The following CYTH2 variants were observed in gnomAD, a reference collection of about 807,000 sequenced individuals.
The protein encoded by CYTH2 is cytohesin 2.
A neutral mutation model predicts 55.4 loss-of-function variants in CYTH2; 24 were observed. The ratio of observed to expected loss-of-function variants is 0.43; its 90% CI spans 0.31 to 0.61. The LOEUF (loss-of-function observed/expected upper bound fraction) is 0.61, where lower values mean the gene tolerates loss of function less well. CYTH2 is among the 20% of genes least tolerant of loss of function. CYTH2 has a pLI of 0.08. For synonymous variants in CYTH2, 221 were observed against 209.6 expected (o/e 1.05, Z -0.47); for missense variants, 378 against 533.5 (o/e 0.71, Z 2.87).
rs1972002503 is a variant in CYTH2 at position 48,479,183 on chromosome 19, A to G, written c.1173A>G (p.Ser391=). 1.2e-6 allele frequency: 2 copies of G among 1,614,036 alleles called. No homozygotes were observed. The highest frequency in any genetic ancestry group is 1.7e-6 in the Non-Finnish European group (2 of 1,179,962). Residue 391 remains serine, a synonymous_variant, in exon 12 of 12, where the codon TCA becomes TCG. Transcript: ENST00000452733. The stretch of plus-strand genomic sequence containing the variant: ...TGGCAGCGAGAAAGAAGCGGATTTC[A>G]GTCAAGAAGAAGCAGGAGCAGCCCT... ...EMLAARKKRI[S]VKKKQEQP is the part of the protein sequence containing the mutation.
At chr19:48,476,299 G>C (rs1971911082) in intron 8 of CYTH2, 1 of 203,240 alleles carries the variant, frequency 4.9e-6, no homozygotes, top group Admixed American at 6.0e-5. Flanking sequence ...AATTAGCCAG[G>C]CATGGTGATG....
chr19:48,470,529 G>A (rs369334200), intron 2 of CYTH2, 29 bp downstream of exon 2: 1 of 1,613,870 alleles, frequency 6.2e-7, no homozygotes. Context: ...GACCTAGGGG[G>A]CGTGGGGTTG....
Position 48,481,928 on chromosome 19 carries a change from C to G in CYTH2, c.*2718C>G, listed in dbSNP as rs1262838813. ...TTGGGATGTGGGGCCTCATAAGGAG[C>G]TGTGTGGTCTTGGAGGTGGAGTCCT... On this transcript the variant is annotated 3_prime_UTR_variant, in exon 12 of 12. Transcript: ENST00000452733. The G allele has an allele frequency of 2.6e-5, 4 of 152,180 alleles. No individual in the cohort carries two copies. Among genetic ancestry groups the G allele is most frequent in the African/African-American group, 9.7e-5 (4 of 41,310 alleles). The allele number at this position is 152,180 out of a possible 1,614,324, so 9.4% of individuals were successfully genotyped here.
At chr19:48,473,738 C>A in intron 5 of CYTH2, 167 bp from the exon 6 acceptor site, 1 of 622,816 alleles carries the variant, frequency 1.6e-6, no homozygotes, top group South Asian at 2.0e-5. Context: ...ACAACACTCC[C>A]GTGGCCAATG....
In CYTH2 at chr19:48,479,811, C is replaced by T. The variant is rs117703539; in HGVS notation, c.*601C>T. 1.8e-3 allele frequency: 274 copies of T among 155,112 alleles called. 7 individuals are homozygous for T. The East Asian group carries it at 0.049, about 28-fold the overall frequency. 9.6% of individuals were successfully genotyped at this position (155,112 alleles called of 1,614,324 possible). A position where few individuals can be genotyped will look rare whatever the true frequency, so the allele number is the denominator to read the frequency against. On this transcript the variant is annotated 3_prime_UTR_variant, in exon 12 of 12. Transcript: ENST00000452733. ...GACAACCTGGAGCTGGAAGAACATGCGACCACCTCAGGGAGGGTCAGGGAA... is the reference window on the plus strand; with the variant it reads ...GACAACCTGGAGCTGGAAGAACATGTGACCACCTCAGGGAGGGTCAGGGAA...
At chr19:48,470,562 C>G (rs771203722) in intron 2 of CYTH2, 41 bp from the exon 3 acceptor site, 1 of 1,614,094 alleles carries the variant, frequency 6.2e-7, no homozygotes, top group Non-Finnish European at 8.5e-7. Flanking sequence ...GATGCCCAGG[C>G]ATTGACCCTC....
Position 48,481,585 on chromosome 19 carries a change from T to C in CYTH2, c.*2375T>C, listed in dbSNP as rs1012237028. ...TGGAGTGCAATGGCGCCATCTCGGCTTACTGCAACCTCCACCTCCCAGGTG... is the reference window on the plus strand; with the variant it reads ...TGGAGTGCAATGGCGCCATCTCGGCCTACTGCAACCTCCACCTCCCAGGTG... On this transcript the variant is annotated 3_prime_UTR_variant, in exon 12 of 12. Coordinates refer to ENST00000452733, the MANE Select transcript of CYTH2 (RefSeq NM_004228.7). 1 of 160,026 alleles carries C rather than the reference T, an allele frequency of 6.2e-6. No individual in the cohort carries two copies. Among genetic ancestry groups the C allele is most frequent in the Non-Finnish European group, 1.4e-5 (1 of 72,642 alleles). 9.9% of individuals were successfully genotyped at this position (160,026 alleles called of 1,614,324 possible). A position where few individuals can be genotyped will look rare whatever the true frequency, so the allele number is the denominator to read the frequency against.
intron 5 of CYTH2, 96 bp from the exon 6 acceptor site, chr19:48,473,809 G>A (rs1216687902): frequency 3.7e-5 from 36 of 972,574 alleles, no homozygotes; most frequent in Non-Finnish European, 4.9e-5. Context: ...CCGGAAGGTC[G>A]GGATTCCTCG....
intron 8 of CYTH2, chr19:48,477,608 C>T (rs1348027086): frequency 5.7e-6 from 1 of 175,346 alleles, no homozygotes; most frequent in Admixed American, 5.5e-5. Context: ...GCGCACCCCT[C>T]CCTGTGCCCA....
At chr19:48,478,635 C>T in intron 11 of CYTH2, 43 bp downstream of exon 11, 1 of 1,534,342 alleles carries the variant, frequency 6.5e-7, no homozygotes, top group Non-Finnish European at 8.8e-7. Context: ...GGGCTGGGGC[C>T]TGGACTCCTG....
Position 48,478,504 on chromosome 19 carries a change from G to T in CYTH2, c.1024G>T (p.Asp342Tyr). Residue 342 changes from aspartate (D) to tyrosine (Y), a missense_variant, in exon 11 of 12, where the codon GAC (aspartate) becomes TAC (tyrosine). Coordinates refer to ENST00000452733, the MANE Select transcript of CYTH2 (RefSeq NM_004228.7). The stretch of plus-strand genomic sequence containing the variant: ...CATCAAAGCCTGCAAAACTGAGGCG[G>T]ACGGCCGAGTGGTGGAGGGAAACCA... Reference protein sequence around the residue: ...QLIKACKTEADGRVVEGNHMV... With the variant: ...QLIKACKTEAYGRVVEGNHMV... 1 of 1,614,170 alleles carries T rather than the reference G, an allele frequency of 6.2e-7. No homozygotes were observed. Among genetic ancestry groups the T allele is most frequent in the Non-Finnish European group, 8.5e-7 (1 of 1,180,024 alleles).
At position 48,473,390 on chromosome 19, in the gene CYTH2, G is replaced by A. The variant is rs77294854; in HGVS notation, c.434+12G>A. On this transcript the variant is annotated intron_variant, in intron 5 of 11. Coordinates refer to ENST00000452733, the MANE Select transcript of CYTH2 (RefSeq NM_004228.7). ...GTGCAGGCCCTCAGGTGAGTGAGGG[G>A]GAGGGGTTTGGAACGCCAGGAATGT... 1 of 1,613,158 alleles carries A rather than the reference G, an allele frequency of 6.2e-7. No homozygotes were observed.
chr19:48,472,896 C>T (rs1280358134), intron 4 of CYTH2: 27 of 308,306 alleles, frequency 8.8e-5, no homozygotes, highest in East Asian at 2.5e-4. Context: ...TGGAGGCCAT[C>T]TGTGGACGTC....
Position 48,474,791 on chromosome 19 carries a change from G to A in CYTH2, c.697-47G>A. On this transcript the variant is annotated intron_variant, in intron 7 of 11. Transcript: ENST00000452733. This position sits in a 1 kb window ranked among gnomAD's most constrained non-coding sequence, Gnocchi z 4.9. Reference sequence around the variant, plus strand: ...CTGCCCCCCACCCTGAGTAACCCTGGGGGGCCCCAGGGGGCTCGAATGGCT... The same window carrying A: ...CTGCCCCCCACCCTGAGTAACCCTGAGGGGCCCCAGGGGGCTCGAATGGCT... The A allele has an allele frequency of 1.3e-6, 2 of 1,591,518 alleles. No individual in the cohort carries two copies. The highest frequency in any genetic ancestry group is 1.7e-4 in the Middle Eastern group (1 of 6,016).
chr19:48,473,818 C>T lies in CYTH2; in HGVS notation c.435-87C>T, dbSNP rs969003257. ...CTGAGGCCGGAAGGTCGGGATTCCT[C>T]GTGGACCAGTTCCTAACACAGGGAC... On this transcript the variant is annotated intron_variant, in intron 5 of 11. Coordinates refer to ENST00000452733, the MANE Select transcript of CYTH2 (RefSeq NM_004228.7). The T allele has an allele frequency of 3.1e-5, 33 of 1,076,624 alleles. 1 individual carries two copies. In the African/African-American group the frequency reaches 3.5e-4, roughly 12 times the overall value. 66.7% of individuals were successfully genotyped at this position (1,076,624 alleles called of 1,614,324 possible).
At chr19:48,479,059 A>G (rs932990350) in intron 11 of CYTH2, 64 bp from the exon 12 acceptor site, 55 of 1,524,592 alleles carry the variant, frequency 3.6e-5, no homozygotes, top group Non-Finnish European at 4.7e-5. Flanking sequence ...CCTGGGTATG[A>G]GGGAGGAGGG....
Position 48,480,953 on chromosome 19 carries a change from G to GGGCAGA in CYTH2, c.*1749_*1754dup, listed in dbSNP as rs978119555. On this transcript the variant is annotated 3_prime_UTR_variant, in exon 12 of 12. Coordinates refer to ENST00000452733, the MANE Select transcript of CYTH2 (RefSeq NM_004228.7). ...AAGAGGGGAGTGCGGCGGGAGGGGAGGGCAGAGGCAGGCGGCCGGTCGCGT... is the reference window on the plus strand; with the variant it reads ...AAGAGGGGAGTGCGGCGGGAGGGGAGGGCAGAGGCAGAGGCAGGCGGCCGGTCGCGT... 3 of 152,350 alleles carry GGGCAGA rather than the reference G, an allele frequency of 2.0e-5. No homozygotes were observed. The highest frequency in any genetic ancestry group is 7.2e-5 in the African/African-American group (3 of 41,466). The allele number at this position is 152,350 out of a possible 1,614,324, so 9.4% of individuals were successfully genotyped here.
chr19:48,473,978 C>T lies in CYTH2; in HGVS notation c.508C>T (p.Arg170Ter), dbSNP rs1328332327. Residue 170 changes from arginine to a stop codon, truncating the protein, a stop_gained, in exon 6 of 12, where the codon CGA becomes TGA. Transcript: ENST00000452733. LOFTEE classifies it high-confidence loss of function. ...IDRMMEAFAQ[R>*]YCLCNPGVFQ... is the part of the protein sequence containing the mutation. ...CCGGATGATGGAGGCCTTCGCCCAG[C>T]GATACTGCCTGTGCAACCCTGGGGT... is the stretch of plus-strand genomic sequence containing the variant. 4 of 1,613,588 alleles carry T rather than the reference C, an allele frequency of 2.5e-6. No homozygotes were observed. Among genetic ancestry groups the T allele is most frequent in the East Asian group, 2.2e-5 (1 of 44,872 alleles).
rs547166508 is a variant in CYTH2, at chr19:48,478,557, G to A, written c.1077G>A (p.Thr359=). ...TGGTGTACCGGATCTCGGCCCCCAC[G>A]CAGGAGGAGAAGGACGAGTGGATCA... ...NHMVYRISAP[T]QEEKDEWIKS... The change falls in exon 11 of 12, where the codon ACG becomes ACA. Residue 359 remains threonine (T), a synonymous_variant. Coordinates refer to ENST00000452733, the MANE Select transcript of CYTH2 (RefSeq NM_004228.7). The A allele has an allele frequency of 9.5e-5, 153 of 1,613,702 alleles. No individual in the cohort carries two copies. In the South Asian group the frequency reaches 1.1e-3, roughly 12 times the overall value.
Sources: gnomAD v4.1 joint callset for allele counts on GRCh38, gnomAD v4.1.1 for gene constraint, Gnocchi (gnomAD v3.1) non-coding constraint, MANE v1.5 for transcripts, NCBI Gene and HGNC (gene_info 2026-07-23, HGNC 2026-07-21) for gene names.